ZC3H8: variants seen among roughly 807,000 people sequenced by gnomAD.
The protein encoded by ZC3H8 is zinc finger CCCH-type containing 8, also known as zinc finger CCCH domain-containing protein 8.
Under a neutral mutation model 42.5 loss-of-function variants are expected in ZC3H8, and 27 were observed. The observed-to-expected ratio is 0.64, with a 90% confidence interval of 0.47 to 0.88. ZC3H8 has a LOEUF of 0.88. Among genes scored for constraint, ZC3H8 ranks in the 40% least tolerant of loss-of-function variants. The pLI, the probability that ZC3H8 is intolerant of heterozygous loss-of-function variation, is 0.00. For missense variants in ZC3H8, 277 were observed against 336.1 expected, an observed-to-expected ratio of 0.82 and a Z score of 1.37; for synonymous variants, 101 against 110.1, an observed-to-expected ratio of 0.92 and a Z score of 0.52.
chr2:112,229,908 C>T (rs1452907488), intron 8 of ZC3H8, among the ~76,000 whole-genome samples: 1 of 150,744 alleles, frequency 6.6e-6, no homozygotes, highest in East Asian at 1.9e-4. Flanking sequence ...CAAAAAGATT[C>T]CCAAAATAAG....
At chr2:112,225,614 C>T (rs529279184) in intron 8 of ZC3H8, among the ~76,000 whole-genome samples, 2 of 152,244 alleles carry the variant, frequency 1.3e-5, no homozygotes, top group East Asian at 3.9e-4. Flanking sequence ...GTCAGGAGTT[C>T]GAGACCAGCG....
intron 2 of ZC3H8, among the ~76,000 whole-genome samples, chr2:112,245,525 A>G (rs1685729455): frequency 1.3e-5 from 2 of 152,138 alleles, no homozygotes; most frequent in Non-Finnish European, 2.9e-5. Context: ...GTGATGGTGC[A>G]CACCCGTAGT....
chr2:112,237,952 A>G (rs1419473707), intron 3 of ZC3H8, among the ~76,000 whole-genome samples: 1 of 152,224 alleles, frequency 6.6e-6, no homozygotes, highest in Non-Finnish European at 1.5e-5. Flanking sequence ...TTTCTGAGTT[A>G]CAGTCTGACA....
chr2:112,242,186 A>T (rs1685607957), intron 2 of ZC3H8, among the ~76,000 whole-genome samples: 1 of 152,206 alleles, frequency 6.6e-6, no homozygotes, highest in Admixed American at 6.5e-5. Flanking sequence ...GTGAACTACA[A>T]CCCAAGGGCA....
chr2:112,221,279 T>C (rs1220935735), intron 8 of ZC3H8, among the ~76,000 whole-genome samples: 1 of 152,156 alleles, frequency 6.6e-6, no homozygotes, highest in Non-Finnish European at 1.5e-5. Context: ...CCATCCCCCT[T>C]GGTACTGTCC....
At chr2:112,219,217 G>GC (rs1362154839) in intron 8 of ZC3H8, among the ~76,000 whole-genome samples, 1 of 152,146 alleles carries the variant, frequency 6.6e-6, no homozygotes, top group Non-Finnish European at 1.5e-5. Flanking sequence ...AAAACAGTGT[G>GC]CTAACAGCAT....
intron 2 of ZC3H8, among the ~76,000 whole-genome samples, chr2:112,244,734 T>C (rs2104666876): frequency 6.6e-6 from 1 of 152,308 alleles, no homozygotes; most frequent in Admixed American, 6.5e-5. Flanking sequence ...GTTACTATTG[T>C]AATTTTTGAG....
chr2:112,235,163 A>T, intron 4 of ZC3H8, among the ~76,000 whole-genome samples: 1 of 152,268 alleles, frequency 6.6e-6, no homozygotes, highest in East Asian at 1.9e-4. Context: ...AAATTTTTGC[A>T]TACAGTTTTA....
intron 1 of ZC3H8, among the ~76,000 whole-genome samples, chr2:112,253,010 T>C (rs567754228): frequency 3.2e-4 from 48 of 152,122 alleles, no homozygotes; most frequent in African/African-American, 1.1e-3. Context: ...GGCAGGCGCC[T>C]GTAGTCCCAG....
At position 112,254,954 on chromosome 2, in the gene ZC3H8, G is replaced by A. The variant is rs1229810728; in HGVS notation, c.28C>T (p.Pro10Ser). The A allele has an allele frequency of 3.1e-6, 5 of 1,612,812 alleles. No individual in the cohort carries two copies. In the East Asian group the frequency reaches 8.9e-5, roughly 29 times the overall value. The change falls in exon 1 of 9, where the codon CCC becomes TCC. Residue 10 changes from proline (P) to serine (S), a missense_variant. Transcript: ENST00000409573. MDFENLFSKPPNPALGKTAT... is the reference protein window; with the variant it reads MDFENLFSKSPNPALGKTAT... ...GTTTTGCCGAGGGCCGGGTTGGGGG[G>A]TTTTGAGAAAAGATTCTCAAAATCC...
chr2:112,239,516 C>CA (rs1685490633), intron 2 of ZC3H8, among the ~76,000 whole-genome samples: 1 of 130,296 alleles, frequency 7.7e-6, no homozygotes, highest in Admixed American at 7.6e-5. Context: ...AACAAACAGA[C>CA]AAAAAACAAA....
At position 112,218,679 on chromosome 2, in the gene ZC3H8, T is replaced by TAG. The variant is rs368247187; in HGVS notation, c.*16-2213_*16-2212dup. Among the ~76,000 whole-genome samples the TAG allele has an allele frequency of 1.3e-4, 19 of 151,768 alleles. No homozygotes were observed. In the East Asian group the frequency reaches 1.7e-3, roughly 14 times the overall value. On this transcript the variant is annotated intron_variant, in intron 8 of 8. Coordinates refer to ENST00000409573, the MANE Select transcript of ZC3H8 (RefSeq NM_032494.3). ...GGAGATTCACTACAATTTGGAAACATAGAGAGAGAGAGAGTCTACTTATGT... is the reference window on the plus strand; with the variant it reads ...GGAGATTCACTACAATTTGGAAACATAGAGAGAGAGAGAGAGTCTACTTATGT...
Position 112,238,334 on chromosome 2 carries a change from T to A in ZC3H8, c.351A>T (p.Gly117=). 6.2e-7 allele frequency: 1 copy of A among 1,613,672 alleles called. No individual in the cohort carries two copies. Among genetic ancestry groups the A allele is most frequent in the Non-Finnish European group, 8.5e-7 (1 of 1,179,862 alleles). The change falls in exon 3 of 9, where the codon GGA becomes GGT. Residue 117 remains glycine (G), a synonymous_variant. Transcript: ENST00000409573. ...TCTTACCCTGTGGGGTATCTTTTAC[T>A]CCTTCTTTCTTTGTAGATTCTTCAG... ...AQPEESTKKE[G]VKDTPQAAKQ...
chr2:112,243,420 A>G (rs1056241364), intron 2 of ZC3H8, among the ~76,000 whole-genome samples: 1 of 152,188 alleles, frequency 6.6e-6, no homozygotes, highest in Non-Finnish European at 1.5e-5. Flanking sequence ...ATTCTGGTGA[A>G]CTGATATCAG....
At chr2:112,236,795 C>A in intron 3 of ZC3H8, 100 bp from the exon 4 acceptor site, 1 of 1,116,472 alleles carries the variant, frequency 9.0e-7, no homozygotes, top group Non-Finnish European at 1.3e-6. Flanking sequence ...GTCTGTAATC[C>A]CAGCTCTTTG....
rs549996878 is a variant in ZC3H8, at chr2:112,226,589, C to CAAAAAAAAAAAAA, written c.*15+4301_*15+4313dup. Reference sequence around the variant, plus strand: ...GGGCAACAGAGCCAAGACTCCATCTCAAAAAAAAAAAAAAAAGCTCAGGCC... The same window carrying CAAAAAAAAAAAAA: ...GGGCAACAGAGCCAAGACTCCATCTCAAAAAAAAAAAAAAAAAAAAAAAAAAAAAGCTCAGGCC... On this transcript the variant is annotated intron_variant, in intron 8 of 8. Coordinates refer to ENST00000409573, the MANE Select transcript of ZC3H8 (RefSeq NM_032494.3). Among the ~76,000 whole-genome samples, 12 of 74,180 alleles carry CAAAAAAAAAAAAA rather than the reference C, an allele frequency of 1.6e-4. 1 individual carries two copies. Among genetic ancestry groups the CAAAAAAAAAAAAA allele is most frequent in the Admixed American group, 3.1e-4 (2 of 6,550 alleles). The allele number at this position is 74,180 out of a possible 152,430, so 48.7% of individuals were successfully genotyped here.
Position 112,212,254 on chromosome 2 carries a change from A to C in ZC3H8, c.*4230T>G, listed in dbSNP as rs910575431. 3.9e-5 allele frequency: 6 copies of C among 152,244 alleles called. No individual in the cohort carries two copies. The highest frequency in any genetic ancestry group is 1.4e-4 in the African/African-American group (6 of 41,454). 9.4% of individuals were successfully genotyped at this position (152,244 alleles called of 1,614,324 possible). A position where few individuals can be genotyped will look rare whatever the true frequency, so the allele number is the denominator to read the frequency against. On this transcript the variant is annotated 3_prime_UTR_variant, in exon 9 of 9. Transcript: ENST00000409573. ...CATTCATGAGGGGCTCCACCCTCAA[A>C]ACCCAATCATCTCCCAAAGGCCCTA...
intron 2 of ZC3H8, among the ~76,000 whole-genome samples, chr2:112,243,007 C>G (rs553105919): frequency 6.6e-6 from 1 of 152,278 alleles, no homozygotes; most frequent in South Asian, 2.1e-4. Flanking sequence ...TTGGCAAGAA[C>G]AGCTGCTCAA....
chr2:112,217,755 T>A (rs545292130), intron 8 of ZC3H8, among the ~76,000 whole-genome samples: 185 of 152,340 alleles, frequency 1.2e-3, no homozygotes, highest in African/African-American at 4.2e-3. Flanking sequence ...AAAGCTTGAA[T>A]TTTATCATTG....
Sources: allele counts gnomAD v4.1 joint callset (sites outside exome capture counted in the v4.1 genomes callset), GRCh38; gene constraint gnomAD v4.1.1; transcripts MANE v1.5; gene names NCBI Gene and HGNC (gene_info 2026-07-23, HGNC 2026-07-21).